Variants in LAMC2 observed in about 807,000 individuals in gnomAD.
The protein encoded by LAMC2 is laminin subunit gamma-2.
In LAMC2, 97 loss-of-function variants were observed where a neutral mutation model predicts 140.2. The ratio of observed to expected loss-of-function variants is 0.69; its 90% CI spans 0.59 to 0.82. The LOEUF (loss-of-function observed/expected upper bound fraction) is 0.82, where lower values mean the gene tolerates loss of function less well. LAMC2 is among the 40% of genes least tolerant of loss of function. The probability of loss-of-function intolerance (pLI) is 0.00; values close to 1 mark genes in which losing one functional copy is unlikely to be tolerated. For synonymous variants in LAMC2, 513 were observed against 540.2 expected (o/e 0.95, Z 0.70); for missense variants, 1,402 against 1,476.1 (o/e 0.95, Z 0.82).
chr1:183,221,052 T>C, intron 5 of LAMC2, 91 bp downstream of exon 5: 1 of 1,219,398 alleles, frequency 8.2e-7, no homozygotes, highest in Non-Finnish European at 1.2e-6. Context: ...ACAGGATGGA[T>C]TCTCTTTAGA....
At position 183,234,339 on chromosome 1, in the gene LAMC2, GCCTTAACCGATTCT is replaced by G; in HGVS notation, c.2221-23_2221-10del. The G allele has an allele frequency of 6.3e-7, 1 of 1,582,710 alleles. No individual in the cohort carries two copies. The highest frequency in any genetic ancestry group is 8.7e-7 in the Non-Finnish European group (1 of 1,151,524). ...CCAAGTGCAAAGCCTTAACCGATTC[GCCTTAACCGATTCT>G]CCTTTTCCCACAGAACATTCCTGCC... On this transcript the variant is annotated splice_polypyrimidine_tract_variant and intron_variant, in intron 14 of 22. Coordinates refer to ENST00000264144, the MANE Select transcript of LAMC2 (RefSeq NM_005562.3).
At chr1:183,232,128 G>T in intron 12 of LAMC2, 59 bp from the exon 13 acceptor site, 1 of 1,599,742 alleles carries the variant, frequency 6.3e-7, no homozygotes, top group Non-Finnish European at 8.6e-7. Context: ...CCTGGTATTG[G>T]ATGATCCCTT....
At chr1:183,213,647 A>G (rs1659144281) in intron 2 of LAMC2, among the ~76,000 whole-genome samples, 1 of 151,436 alleles carries the variant, frequency 6.6e-6, no homozygotes, top group Non-Finnish European at 1.5e-5. Flanking sequence ...TAAAATACAA[A>G]AAATTAGCCA....
intron 1 of LAMC2, among the ~76,000 whole-genome samples, chr1:183,201,879 A>C (rs1658716736): frequency 6.6e-6 from 1 of 152,248 alleles, no homozygotes; most frequent in African/African-American, 2.4e-5. Flanking sequence ...CTGACAGGCA[A>C]CTGGATTAAA....
downstream of LAMC2, among the ~76,000 whole-genome samples, chr1:183,245,318 C>T (rs1660219191): frequency 6.6e-6 from 1 of 152,194 alleles, no homozygotes; most frequent in African/African-American, 2.4e-5. Flanking sequence ...TGCTTCTGTC[C>T]ATTGACCCCC....
chr1:183,195,446 A>G (rs1261626120), intron 1 of LAMC2, among the ~76,000 whole-genome samples: 1 of 152,198 alleles, frequency 6.6e-6, no homozygotes, highest in Admixed American at 6.5e-5. Flanking sequence ...CCCATACTTT[A>G]TGATTCAAAA....
At position 183,205,890 on chromosome 1, in the gene LAMC2, C is replaced by A. The variant is rs527532152; in HGVS notation, c.80-1991C>A. Among the ~76,000 whole-genome samples the A allele has an allele frequency of 9.9e-5, 15 of 152,064 alleles. 1 individual carries two copies. The Middle Eastern group carries it at 0.014, about 138-fold the overall frequency. Reference sequence around the variant, plus strand: ...GTATGTTTTCAGGCAAGAGCAAAAACACATGATGAAAATTACAGAAAGAGA... The same window carrying A: ...GTATGTTTTCAGGCAAGAGCAAAAAAACATGATGAAAATTACAGAAAGAGA... On this transcript the variant is annotated intron_variant, in intron 1 of 22. Transcript: ENST00000264144.
chr1:183,209,059 T>C (rs1658993504), intron 2 of LAMC2, among the ~76,000 whole-genome samples: 1 of 151,226 alleles, frequency 6.6e-6, no homozygotes, highest in Non-Finnish European at 1.5e-5. Flanking sequence ...TACACACAGA[T>C]ACATACACTG....
Position 183,195,088 on chromosome 1 carries a change from CT to C in LAMC2, c.79+8660del, listed in dbSNP as rs141827050. Among the ~76,000 whole-genome samples, 414 of 152,280 alleles carry C rather than the reference CT, an allele frequency of 2.7e-3. 1 individual carries two copies. The highest frequency in any genetic ancestry group is 9.6e-3 in the African/African-American group (401 of 41,560). On this transcript the variant is annotated intron_variant, in intron 1 of 22. Coordinates refer to ENST00000264144, the MANE Select transcript of LAMC2 (RefSeq NM_005562.3). ...ACTCAGACTGAACCCTCAGTTTTAC[CT>C]TTACCCTCCACTCCTTTGCTAGTCA... is the stretch of plus-strand genomic sequence containing the variant.
chr1:183,202,344 T>C (rs1459842520), intron 1 of LAMC2, among the ~76,000 whole-genome samples: 1 of 152,080 alleles, frequency 6.6e-6, no homozygotes, highest in African/African-American at 2.4e-5. Flanking sequence ...CTATTAGATG[T>C]GATGTTTATT....
chr1:183,235,630 T>C lies in LAMC2; in HGVS notation c.2356T>C (p.Ser786Pro). 6.2e-7 allele frequency: 1 copy of C among 1,614,216 alleles called. No homozygotes were observed. Among genetic ancestry groups the C allele is most frequent in the Non-Finnish European group, 8.5e-7 (1 of 1,180,032 alleles). The change falls in exon 16 of 23, where the codon TCC becomes CCC. Residue 786 changes from serine to proline, a missense_variant. Ser to Pro is a moderately conservative substitution (Grantham distance 74). This residue lies in a region of LAMC2 where 670 missense variants were observed against 667.2 expected (regional missense o/e 1.00). Transcript: ENST00000264144. ...EQLTRETEDY[S>P]KQALSLVRKA... The stretch of plus-strand genomic sequence containing the variant: ...ACTGACAAGGGAAACTGAGGACTAT[T>C]CCAAACAAGCCCTCTCACTGGTGCG...
chr1:183,214,332 A>G (rs1248733410), intron 2 of LAMC2, among the ~76,000 whole-genome samples: 6 of 152,170 alleles, frequency 3.9e-5, no homozygotes, highest in Non-Finnish European at 8.8e-5. Flanking sequence ...ATGGGATTTT[A>G]GATGCAGGAG....
chr1:183,186,809 CTG>C (rs927166555), intron 1 of LAMC2, among the ~76,000 whole-genome samples: 2 of 152,192 alleles, frequency 1.3e-5, no homozygotes, highest in African/African-American at 4.8e-5. Flanking sequence ...TTTCCCATGA[CTG>C]TGAACACCAC....
At chr1:183,223,006 C>T in intron 6 of LAMC2, 129 bp from the exon 7 acceptor site, 1 of 790,254 alleles carries the variant, frequency 1.3e-6, no homozygotes, top group South Asian at 1.5e-5. Flanking sequence ...CCTGACTCTC[C>T]TAGCAAGGAG....
chr1:183,220,409 G>A (rs1659431226), intron 4 of LAMC2, among the ~76,000 whole-genome samples: 1 of 152,006 alleles, frequency 6.6e-6, no homozygotes, highest in Admixed American at 6.6e-5. Flanking sequence ...GCTGAGGCAG[G>A]AGCCTCACCT....
At chr1:183,221,168 A>C (rs1489494934) in intron 5 of LAMC2, among the ~76,000 whole-genome samples, 2 of 152,238 alleles carry the variant, frequency 1.3e-5, no homozygotes, top group East Asian at 1.9e-4. Flanking sequence ...ATACTAGTGA[A>C]TATAACTTAA....
chr1:183,216,017 A>G (rs965163804), intron 3 of LAMC2, among the ~76,000 whole-genome samples: 13 of 152,198 alleles, frequency 8.5e-5, no homozygotes, highest in Admixed American at 1.3e-4. Flanking sequence ...TTAGTTTGGA[A>G]TATCCTGTAT....
In LAMC2 at chr1:183,226,789, T is replaced by C. The variant is rs1414771851; in HGVS notation, c.1158T>C (p.Val386=). Residue 386 remains valine (V), a synonymous_variant, in exon 9 of 23, where the codon GTT becomes GTC. Transcript: ENST00000264144. The part of the protein sequence containing the change: ...APWVEQCICP[V]GYKGQFCQDC... ...GGGTTGAACAGTGTATATGTCCTGT[T>C]GGGTACAAGGGGCAATTCTGCCAGG... is the stretch of plus-strand genomic sequence containing the variant. 6.2e-7 allele frequency: 1 copy of C among 1,614,180 alleles called. No homozygotes were observed. The highest frequency in any genetic ancestry group is 8.5e-7 in the Non-Finnish European group (1 of 1,180,030).
chr1:183,218,460 C>A lies in LAMC2; in HGVS notation c.475C>A (p.Pro159Thr), dbSNP rs745933764. 6.2e-7 allele frequency: 1 copy of A among 1,613,952 alleles called. No individual in the cohort carries two copies. Among genetic ancestry groups the A allele is most frequent in the South Asian group, 1.1e-5 (1 of 91,058 alleles). Residue 159 changes from proline to threonine, a missense_variant, in exon 4 of 23, where the codon CCA becomes ACA. Pro to Thr is a conservative substitution (Grantham distance 38). Around this residue, in one of 3 missense-constraint regions of LAMC2, gnomAD observed 723 missense variants for 783.3 expected, o/e 0.92. Coordinates refer to ENST00000264144, the MANE Select transcript of LAMC2 (RefSeq NM_005562.3). ...TGACGCGGGCCGCTGTGTCTGCAAG[C>A]CAGCTGTCACTGGAGAACGCTGTGA... ...PCDAGRCVCKPAVTGERCDRC... is the reference protein window; with the variant it reads ...PCDAGRCVCKTAVTGERCDRC...
Sources: allele counts gnomAD v4.1 joint callset (sites outside exome capture counted in the v4.1 genomes callset), GRCh38; gene constraint gnomAD v4.1.1; regional missense constraint gnomAD v4.1.1; transcripts MANE v1.5; gene names NCBI Gene and HGNC (gene_info 2026-07-23, HGNC 2026-07-21).